NUP210L: variants seen among roughly 807,000 people sequenced by gnomAD.
The protein encoded by NUP210L is nuclear pore membrane glycoprotein 210-like.
Under a neutral mutation model 208.5 loss-of-function variants are expected in NUP210L, and 74 were observed. The observed-to-expected ratio is 0.35, with a 90% CI of 0.29 to 0.43. The LOEUF is 0.43. NUP210L is among the 20% of genes least tolerant of loss of function. The probability of loss-of-function intolerance (pLI) is 1.00; values close to 1 mark genes in which losing one functional copy is unlikely to be tolerated. For missense variants in NUP210L, 1,843 were observed against 2,289.4 expected (o/e 0.81, Z 3.98); for synonymous variants, 780 against 816.9 (o/e 0.95, Z 0.77).
intron 3 of NUP210L, among the ~76,000 whole-genome samples, chr1:154,141,985 C>T (rs1397386913): frequency 1.3e-5 from 2 of 151,960 alleles, no homozygotes. Flanking sequence ...AACATAGTGA[C>T]ACCTGGTCTG....
intron 27 of NUP210L, among the ~76,000 whole-genome samples, chr1:154,044,378 G>C (rs944239246): frequency 6.7e-6 from 1 of 150,178 alleles, no homozygotes; most frequent in African/African-American, 2.4e-5. Context: ...TTGCACTCCA[G>C]CCTGGGCAAA....
intron 20 of NUP210L, among the ~76,000 whole-genome samples, chr1:154,059,349 A>T (rs1182592957): frequency 6.6e-6 from 1 of 150,886 alleles, no homozygotes; most frequent in Non-Finnish European, 1.5e-5. Context: ...AAAAAAAAAA[A>T]TTAGCTGGGC....
At chr1:153,994,322 CT>C (rs962956136) in intron 38 of NUP210L, among the ~76,000 whole-genome samples, 9 of 148,854 alleles carry the variant, frequency 6.0e-5, no homozygotes, top group Admixed American at 1.3e-4. Flanking sequence ...AGTTGAGGAC[CT>C]TTTTTTTTTG....
chr1:154,035,853 C>G (rs1313236073), intron 27 of NUP210L, among the ~76,000 whole-genome samples: 2 of 152,030 alleles, frequency 1.3e-5, no homozygotes, highest in Non-Finnish European at 2.9e-5. Flanking sequence ...CCTGCCTCAG[C>G]CTTCCAAGTA....
intron 25 of NUP210L, among the ~76,000 whole-genome samples, chr1:154,052,254 C>T (rs924133305): frequency 6.6e-6 from 1 of 152,130 alleles, no homozygotes; most frequent in Non-Finnish European, 1.5e-5. Context: ...TTCTCCTGGA[C>T]CAAATCAACA....
At chr1:154,146,360 T>G (rs930026658) in intron 2 of NUP210L, among the ~76,000 whole-genome samples, 1 of 152,198 alleles carries the variant, frequency 6.6e-6, no homozygotes, top group African/African-American at 2.4e-5. Context: ...TAAGACATCT[T>G]TCTTTCAGAA....
chr1:154,110,362 C>T (rs1340841140), intron 12 of NUP210L, among the ~76,000 whole-genome samples: 1 of 150,090 alleles, frequency 6.7e-6, no homozygotes, highest in East Asian at 2.0e-4. Context: ...ACCTCCACCT[C>T]CTGGGTTCAA....
chr1:154,001,167 T>A, intron 36 of NUP210L, 107 bp from the exon 37 acceptor site: 1 of 910,914 alleles, frequency 1.1e-6, no homozygotes, highest in Admixed American at 2.7e-5. Context: ...AGATCTGGAT[T>A]TCTAGCTAGC....
At chr1:154,073,850 AAAT>A (rs1445754258) in intron 16 of NUP210L, among the ~76,000 whole-genome samples, 1 of 150,970 alleles carries the variant, frequency 6.6e-6, no homozygotes, top group Non-Finnish European at 1.5e-5. Context: ...ATAAATAAAT[AAAT>A]AAATAAATTC....
intron 35 of NUP210L, among the ~76,000 whole-genome samples, chr1:154,003,364 C>T (rs1172719215): frequency 6.6e-6 from 1 of 151,830 alleles, no homozygotes; most frequent in Admixed American, 6.6e-5. Context: ...CCTGCCACCA[C>T]ATCCGGCTAA....
chr1:154,082,814 T>C (rs1196985689), intron 16 of NUP210L, among the ~76,000 whole-genome samples: 1 of 152,108 alleles, frequency 6.6e-6, no homozygotes, highest in Non-Finnish European at 1.5e-5. Context: ...TCGCCTTGAG[T>C]GTTACAGCTC....
chr1:154,134,230 G>T (rs1187385841), intron 7 of NUP210L, among the ~76,000 whole-genome samples: 1 of 151,532 alleles, frequency 6.6e-6, no homozygotes, highest in Admixed American at 6.6e-5. Context: ...TATACCCAGA[G>T]CTTAGAACAA....
intron 5 of NUP210L, among the ~76,000 whole-genome samples, chr1:154,138,717 C>A (rs1278252414): frequency 6.6e-6 from 1 of 152,066 alleles, no homozygotes; most frequent in Non-Finnish European, 1.5e-5. Context: ...AAATGCTTAC[C>A]AAAAAACATT....
chr1:154,116,977 C>T (rs1657363051), intron 12 of NUP210L, among the ~76,000 whole-genome samples: 1 of 152,136 alleles, frequency 6.6e-6, no homozygotes, highest in Non-Finnish European at 1.5e-5. Flanking sequence ...ACTATACTTT[C>T]AGTGATCATG....
chr1:154,064,967 T>C (rs1654322863), intron 17 of NUP210L, among the ~76,000 whole-genome samples: 1 of 151,842 alleles, frequency 6.6e-6, no homozygotes, highest in Admixed American at 6.6e-5. Context: ...GCCCAGCTAC[T>C]CGGGAGGCTG....
intron 7 of NUP210L, among the ~76,000 whole-genome samples, chr1:154,130,119 G>T (rs572242949): frequency 6.6e-6 from 1 of 151,942 alleles, no homozygotes; most frequent in African/African-American, 2.4e-5. Flanking sequence ...TGGGTGGACT[G>T]TCTGAGGTCA....
chr1:154,027,514 A>G (rs1651961020), exon 29 of NUP210L: 1 of 1,608,192 alleles, frequency 6.2e-7, no homozygotes, highest in African/African-American at 1.3e-5. Context: ...ACCTGTTGGT[A>G]TGGAGTTTGA....
chr1:154,021,395 G>A (rs1246038548), intron 32 of NUP210L, among the ~76,000 whole-genome samples: 2 of 151,914 alleles, frequency 1.3e-5, no homozygotes, highest in East Asian at 1.9e-4. Context: ...GCTAAGGCAG[G>A]AGACTCGCTT....
chr1:154,114,781 G>C (rs537573701), intron 12 of NUP210L, among the ~76,000 whole-genome samples: 32 of 145,758 alleles, frequency 2.2e-4, no homozygotes, highest in South Asian at 4.3e-4. Flanking sequence ...TAAGAGATGG[G>C]GGGGGGGGTC....
Sources: allele counts gnomAD v4.1 joint callset (sites outside exome capture counted in the v4.1 genomes callset), GRCh38; gene constraint gnomAD v4.1.1; transcripts MANE v1.5; gene names NCBI Gene and HGNC (gene_info 2026-07-23, HGNC 2026-07-21).